The following PDE8B variants were observed in gnomAD, a reference collection of about 807,000 sequenced individuals.
The protein encoded by PDE8B is phosphodiesterase 8B.
A neutral mutation model predicts 101.3 loss-of-function variants in PDE8B; 26 were observed. The ratio of observed to expected loss-of-function variants is 0.26; its 90% CI spans 0.19 to 0.36. PDE8B has a LOEUF of 0.36. PDE8B is among the 10% of genes least tolerant of loss of function. The pLI, the probability that PDE8B is intolerant of heterozygous loss-of-function variation, is 1.00. For missense variants in PDE8B, 810 were observed against 1,163.1 expected, an observed-to-expected ratio of 0.70 and a Z score of 4.42; for synonymous variants, 424 against 429.3, an observed-to-expected ratio of 0.99 and a Z score of 0.15.
At position 77,370,037 on chromosome 5, in the gene PDE8B, A is replaced by G. The variant is rs145165867; in HGVS notation, c.1167+16631A>G. On this transcript the variant is annotated intron_variant, in intron 10 of 21. Coordinates refer to ENST00000264917, the MANE Select transcript of PDE8B (RefSeq NM_003719.5). The stretch of plus-strand genomic sequence containing the variant: ...TGCATTATCACATCTCTTTAAATAT[A>G]CATCCCTCTGTACATCCTTAATCCA... Among the ~76,000 whole-genome samples the G allele has an allele frequency of 1.3e-3, 194 of 152,356 alleles. 1 individual carries two copies. Among genetic ancestry groups the G allele is most frequent in the Non-Finnish European group, 2.2e-3 (153 of 68,040 alleles).
At chr5:77,228,061 G>T (rs886678952) in intron 1 of PDE8B, among the ~76,000 whole-genome samples, 1 of 152,138 alleles carries the variant, frequency 6.6e-6, no homozygotes, top group Non-Finnish European at 1.5e-5. Context: ...GTTGGCTAGG[G>T]CAGGGTCTTA....
chr5:77,263,165 A>G (rs1374877640), intron 1 of PDE8B, among the ~76,000 whole-genome samples: 1 of 152,220 alleles, frequency 6.6e-6, no homozygotes, highest in Non-Finnish European at 1.5e-5. Context: ...GCCACCAAGG[A>G]GAGTATTTGA....
the PDE8B span, among the ~76,000 whole-genome samples, chr5:77,186,405 G>A: frequency 6.6e-6 from 1 of 152,102 alleles, no homozygotes; most frequent in Non-Finnish European, 1.5e-5. Context: ...AATTGATTTG[G>A]AAAAGCAGCA....
chr5:77,157,263 C>A, the PDE8B span, among the ~76,000 whole-genome samples: 1 of 152,098 alleles, frequency 6.6e-6, no homozygotes. Flanking sequence ...GTAACTCATA[C>A]TTGAACTGTT....
At chr5:77,391,566 G>A (rs1358240379) in intron 10 of PDE8B, among the ~76,000 whole-genome samples, 1 of 152,204 alleles carries the variant, frequency 6.6e-6, no homozygotes, top group African/African-American at 2.4e-5. Flanking sequence ...ATTGGTACCT[G>A]TCATCCCTGC....
chr5:77,371,105 A>G (rs1581296903), intron 10 of PDE8B, among the ~76,000 whole-genome samples: 1 of 152,196 alleles, frequency 6.6e-6, no homozygotes, highest in South Asian at 2.1e-4. Context: ...TTCATTTAAC[A>G]GTATATTTTA....
At chr5:77,141,502 T>C in the PDE8B span, 3 of 152,196 alleles carry the variant, frequency 2.0e-5, no homozygotes, top group African/African-American at 4.8e-5. Context: ...ATTTAAACTC[T>C]ATGGGGCATT....
the PDE8B span, among the ~76,000 whole-genome samples, chr5:77,121,312 C>G: frequency 6.6e-6 from 1 of 152,212 alleles, no homozygotes. Flanking sequence ...ATGGGCCTCA[C>G]AGTAGGTCTG....
At chr5:77,181,702 G>A in the PDE8B span, among the ~76,000 whole-genome samples, 1 of 152,186 alleles carries the variant, frequency 6.6e-6, no homozygotes, top group Non-Finnish European at 1.5e-5. Flanking sequence ...TTCCATGGAC[G>A]GTCGGTCGGG....
intron 1 of PDE8B, among the ~76,000 whole-genome samples, chr5:77,287,552 C>T (rs962235248): frequency 2.1e-5 from 3 of 144,974 alleles, no homozygotes; most frequent in African/African-American, 7.6e-5. Context: ...TTGTTCCTGA[C>T]GCGTTCTCTC....
chr5:77,314,182 C>T (rs1237187154), intron 2 of PDE8B, among the ~76,000 whole-genome samples: 2 of 151,914 alleles, frequency 1.3e-5, no homozygotes, highest in East Asian at 1.9e-4. Flanking sequence ...GCATCTTTGT[C>T]GAAAATCAGT....
the PDE8B span, chr5:77,112,407 A>C: frequency 6.6e-6 from 1 of 152,216 alleles, no homozygotes; most frequent in Non-Finnish European, 1.5e-5. Context: ...CATCATTTTT[A>C]CAAACACATT....
intron 1 of PDE8B, among the ~76,000 whole-genome samples, chr5:77,268,479 T>C (rs1046356138): frequency 6.6e-6 from 1 of 151,932 alleles, no homozygotes; most frequent in Admixed American, 6.6e-5. Flanking sequence ...TTTGTACTAA[T>C]TAACCATCCC....
At chr5:77,149,776 A>G in the PDE8B span, among the ~76,000 whole-genome samples, 1 of 152,170 alleles carries the variant, frequency 6.6e-6, no homozygotes, top group South Asian at 2.1e-4. Context: ...TGTTTTCTAT[A>G]CGCAAGATTA....
chr5:77,422,184 C>T (rs921974288), intron 20 of PDE8B, among the ~76,000 whole-genome samples, 196 bp downstream of exon 20: 21 of 152,334 alleles, frequency 1.4e-4, no homozygotes, highest in Admixed American at 3.3e-4. Context: ...TGATCACTAA[C>T]CAGAGTCTCT....
At chr5:77,102,418 GT>G in the PDE8B span, among the ~76,000 whole-genome samples, 2 of 152,128 alleles carry the variant, frequency 1.3e-5, no homozygotes, top group Non-Finnish European at 2.9e-5. Context: ...ATTTAGTTTG[GT>G]TTTGTTTTTC....
intron 1 of PDE8B, among the ~76,000 whole-genome samples, chr5:77,292,319 A>C (rs182804403): frequency 2.1e-3 from 317 of 152,292 alleles, no homozygotes; most frequent in African/African-American, 7.3e-3. Context: ...TGGTGATAAA[A>C]TTATTGTGTG....
At chr5:77,128,886 G>A in the PDE8B span, among the ~76,000 whole-genome samples, 2 of 152,138 alleles carry the variant, frequency 1.3e-5, no homozygotes, top group Admixed American at 1.3e-4. Flanking sequence ...TGAGTCTGAG[G>A]ACCATGATCA....
chr5:77,139,924 A>C, the PDE8B span: 1 of 152,066 alleles, frequency 6.6e-6, no homozygotes, highest in South Asian at 2.1e-4. Context: ...CTTCTTGGGC[A>C]TTACTTTTTC....
Sources: allele counts gnomAD v4.1 joint callset (sites outside exome capture counted in the v4.1 genomes callset), GRCh38; gene constraint gnomAD v4.1.1; transcripts MANE v1.5; gene names NCBI Gene and HGNC (gene_info 2026-07-23, HGNC 2026-07-21).